CEP63: variants seen among roughly 807,000 people sequenced by gnomAD.
CEP63 encodes the protein centrosomal protein of 63 kDa.
Under a neutral mutation model 89.1 loss-of-function variants are expected in CEP63, and 84 were observed. The observed-to-expected ratio is 0.94, with a 90% CI of 0.79 to 1.13. The LOEUF (loss-of-function observed/expected upper bound fraction) is 1.13. CEP63 is among the 50% of genes most tolerant of loss of function. The pLI, the probability that CEP63 is intolerant of heterozygous loss-of-function variation, is 0.00. For missense variants in CEP63, 838 were observed against 813.3 expected (o/e 1.03, Z -0.37); for synonymous variants, 267 against 272.5 (o/e 0.98, Z 0.20).
the CEP63 span, among the ~76,000 whole-genome samples, chr3:134,723,653 G>A: frequency 1.3e-5 from 2 of 152,210 alleles, no homozygotes; most frequent in East Asian, 1.9e-4. Context: ...CCTTAAAGGT[G>A]AGACTCTGCT....
chr3:134,762,507 G>A, the CEP63 span, among the ~76,000 whole-genome samples: 14 of 152,000 alleles, frequency 9.2e-5, no homozygotes, highest in Admixed American at 5.9e-4. Flanking sequence ...TCTTTACAAA[G>A]GTATTCAAGT....
upstream of CEP63, chr3:134,486,020 C>T (rs1331943663): frequency 4.2e-6 from 4 of 946,664 alleles, no homozygotes; most frequent in South Asian, 4.9e-5. Context: ...CATCACGTGT[C>T]TGCACTCGCT....
chr3:134,717,979 A>G, the CEP63 span, among the ~76,000 whole-genome samples: 2 of 152,244 alleles, frequency 1.3e-5, no homozygotes, highest in East Asian at 1.9e-4. Context: ...ACAAGTTTCT[A>G]TTCTGGAATG....
chr3:134,737,486 G>A, the CEP63 span, among the ~76,000 whole-genome samples: 35 of 152,054 alleles, frequency 2.3e-4, no homozygotes, highest in Non-Finnish European at 3.4e-4. Context: ...ATATAAATAA[G>A]TAATTTACAA....
the CEP63 span, among the ~76,000 whole-genome samples, chr3:134,715,540 T>G: frequency 6.7e-6 from 1 of 149,310 alleles, no homozygotes; most frequent in Non-Finnish European, 1.5e-5. Context: ...TTTTTTTTGT[T>G]TTTTCCTCTC....
chr3:134,757,809 A>G, the CEP63 span, among the ~76,000 whole-genome samples: 36 of 151,990 alleles, frequency 2.4e-4, no homozygotes, highest in African/African-American at 8.7e-4. Context: ...AAGCCATAGG[A>G]GTCATTAGGT....
the CEP63 span, among the ~76,000 whole-genome samples, chr3:134,661,885 A>T: frequency 6.6e-6 from 1 of 150,410 alleles, no homozygotes; most frequent in South Asian, 2.2e-4. Context: ...TTGGGAAGTG[A>T]TTAAGTCATA....
chr3:134,515,212 G>C (rs562162929), intron 3 of CEP63, among the ~76,000 whole-genome samples: 29 of 152,150 alleles, frequency 1.9e-4, no homozygotes, highest in African/African-American at 7.0e-4. Flanking sequence ...CATGCTAATA[G>C]AGAAAAATGG....
chr3:134,717,106 G>T, the CEP63 span, among the ~76,000 whole-genome samples: 1 of 152,204 alleles, frequency 6.6e-6, no homozygotes, highest in African/African-American at 2.4e-5. Flanking sequence ...CCAATGAGAT[G>T]CTTCTTTCAG....
chr3:134,603,796 G>A, the CEP63 span: 1 of 1,613,490 alleles, frequency 6.2e-7, no homozygotes, highest in Non-Finnish European at 8.5e-7. Context: ...CCGGTTGGCA[G>A]GAAGCACACC....
intron 3 of CEP63, 105 bp downstream of exon 3, chr3:134,507,391 G>T: frequency 2.4e-6 from 2 of 829,954 alleles, no homozygotes; most frequent in Non-Finnish European, 3.8e-6. Flanking sequence ...TACCAAGTTA[G>T]TTTATTGTTT....
At chr3:134,499,760 G>T (rs1472445822) in intron 2 of CEP63, among the ~76,000 whole-genome samples, 3 of 149,656 alleles carry the variant, frequency 2.0e-5, no homozygotes, top group East Asian at 3.9e-4. Flanking sequence ...TTCAGCCTTT[G>T]CCCACCCTCT....
intron 1 of CEP63, among the ~76,000 whole-genome samples, chr3:134,487,662 G>A (rs1936082644): frequency 6.6e-6 from 1 of 152,124 alleles, no homozygotes; most frequent in South Asian, 2.1e-4. Flanking sequence ...ATTTTAGTCC[G>A]CCTCCCCGCC....
chr3:134,571,367 A>G (rs1958002241), intron 11 of CEP63, among the ~76,000 whole-genome samples: 1 of 152,192 alleles, frequency 6.6e-6, no homozygotes, highest in Non-Finnish European at 1.5e-5. Context: ...GACCCCTCAG[A>G]ATAATGACTA....
rs1957619612 is a variant in CEP63, at chr3:134,564,442, A to G, written c.*2907A>G. The G allele has an allele frequency of 7.1e-6, 7 of 985,394 alleles. No homozygotes were observed. Among genetic ancestry groups the G allele is most frequent in the Non-Finnish European group, 8.4e-6 (7 of 829,936 alleles). The allele number at this position is 985,394 out of a possible 1,614,324, so 61.0% of individuals were successfully genotyped here. On this transcript the variant is annotated 3_prime_UTR_variant, in exon 15 of 15. Transcript: ENST00000675561. ...GGGAACGTTTCTCCTCATTGCTGTC[A>G]TGGCACCCTGTGTGTGGCTCTGACC...
the CEP63 span, among the ~76,000 whole-genome samples, chr3:134,703,531 A>G: frequency 6.6e-6 from 1 of 152,144 alleles, no homozygotes; most frequent in Non-Finnish European, 1.5e-5. Flanking sequence ...AGGAATAGAA[A>G]ACCAAATACC....
At chr3:134,555,931 GA>G (rs1320443420) in intron 12 of CEP63, among the ~76,000 whole-genome samples, 1 of 151,776 alleles carries the variant, frequency 6.6e-6, no homozygotes, top group Non-Finnish European at 1.5e-5. Context: ...AAGAGATATA[GA>G]TCAATGGAAC....
intron 13 of CEP63, 69 bp downstream of exon 13, chr3:134,558,416 A>G: frequency 3.7e-6 from 4 of 1,093,906 alleles, no homozygotes; most frequent in Non-Finnish European, 5.4e-6. Context: ...TTTGAGAATA[A>G]TTTTTGACTT....
At chr3:134,613,758 A>C in the CEP63 span, among the ~76,000 whole-genome samples, 1 of 152,354 alleles carries the variant, frequency 6.6e-6, no homozygotes, top group African/African-American at 2.4e-5. Context: ...TGGACAAAGA[A>C]GGTCATAATG....
Sources: gnomAD v4.1 joint callset for allele counts (sites outside exome capture counted in the v4.1 genomes callset) on GRCh38, gnomAD v4.1.1 for gene constraint, MANE v1.5 for transcripts, NCBI Gene and HGNC (gene_info 2026-07-23, HGNC 2026-07-21) for gene names.